The following ST7 variants were observed in gnomAD, a reference collection of about 807,000 sequenced individuals.
ST7 encodes suppression of tumorigenicity 7.
In ST7, 28 loss-of-function variants were observed where a neutral mutation model predicts 78.7. That is an observed-to-expected ratio of 0.36 (90% CI 0.26 to 0.49). ST7 has a LOEUF of 0.49. Among genes scored for constraint, ST7 ranks in the 20% least tolerant of loss-of-function variants. The pLI, the probability that ST7 is intolerant of heterozygous loss-of-function variation, is 0.99. For missense variants in ST7, 418 were observed against 696.0 expected (o/e 0.60, Z 4.49); for synonymous variants, 247 against 249.6 (o/e 0.99, Z 0.10).
Position 117,099,746 on chromosome 7 carries a change from CTCT to C in ST7, c.152-14_152-12del. The C allele has an allele frequency of 6.2e-7, 1 of 1,604,138 alleles. No individual in the cohort carries two copies. The highest frequency in any genetic ancestry group is 8.5e-7 in the Non-Finnish European group (1 of 1,174,178). On this transcript the variant is annotated splice_polypyrimidine_tract_variant and intron_variant, in intron 1 of 15. Coordinates refer to ENST00000323984, the MANE Select transcript of ST7 (RefSeq NM_001369598.1). ...ATTCCTTGTTCTTCTCCCTTTCTCT[CTCT>C]TTTCTTTTTCAGTGAGCATGTTTTT...
chr7:116,974,880 G>A (rs910052629), intron 1 of ST7, among the ~76,000 whole-genome samples: 1 of 152,210 alleles, frequency 6.6e-6, no homozygotes, highest in South Asian at 2.1e-4. Context: ...AGATACAAAT[G>A]CAAGTGTCCT....
intron 1 of ST7, chr7:116,972,338 G>T (rs1793468992): frequency 1.6e-6 from 1 of 607,234 alleles, no homozygotes; most frequent in Non-Finnish European, 3.0e-6. Context: ...TTATCAGTAA[G>T]AATCTTGATC....
At chr7:117,048,591 C>T (rs945253531) in intron 1 of ST7, among the ~76,000 whole-genome samples, 2 of 152,136 alleles carry the variant, frequency 1.3e-5, no homozygotes, top group African/African-American at 4.8e-5. Flanking sequence ...AAACCCTTTA[C>T]CCACCCCACC....
chr7:117,029,197 G>A (rs559026086), intron 1 of ST7, among the ~76,000 whole-genome samples: 6 of 152,218 alleles, frequency 3.9e-5, no homozygotes, highest in African/African-American at 7.2e-5. Flanking sequence ...TGGTTATACC[G>A]TTTTACATTC....
At chr7:117,005,433 C>G (rs188083642) in intron 1 of ST7, among the ~76,000 whole-genome samples, 187 of 152,306 alleles carry the variant, frequency 1.2e-3, no homozygotes, top group Non-Finnish European at 1.2e-3. Flanking sequence ...TGGTAAGCCA[C>G]AAATGTCCCC....
At chr7:117,224,434 T>A (rs180947515) in intron 15 of ST7, among the ~76,000 whole-genome samples, 6 of 152,312 alleles carry the variant, frequency 3.9e-5, no homozygotes, top group African/African-American at 1.2e-4. Context: ...TTTCTTCTAC[T>A]CCCTAGCCAA....
chr7:117,060,163 T>A (rs994318038), intron 1 of ST7, among the ~76,000 whole-genome samples: 20 of 152,166 alleles, frequency 1.3e-4, no homozygotes, highest in Non-Finnish European at 2.5e-4. Flanking sequence ...GATCTTTTGG[T>A]GGGAAAGTCT....
chr7:117,077,375 A>G (rs1799427967), intron 1 of ST7, among the ~76,000 whole-genome samples: 1 of 152,158 alleles, frequency 6.6e-6, no homozygotes, highest in Non-Finnish European at 1.5e-5. Flanking sequence ...TCTGTCTAGA[A>G]TTTATCTGCC....
At chr7:117,182,610 G>A (rs1283610589) in intron 10 of ST7, 2 of 152,094 alleles carry the variant, frequency 1.3e-5, no homozygotes, top group Non-Finnish European at 2.9e-5. Flanking sequence ...TTGGAGGTGG[G>A]GGGTATTGTT....
chr7:117,111,845 G>C (rs1185581183), intron 2 of ST7, among the ~76,000 whole-genome samples: 3 of 151,390 alleles, frequency 2.0e-5, no homozygotes, highest in African/African-American at 7.3e-5. Flanking sequence ...TCTGGATTTT[G>C]CTTCGCTTTT....
At chr7:116,957,291 G>T (rs1418498772) in intron 1 of ST7, among the ~76,000 whole-genome samples, 1 of 151,542 alleles carries the variant, frequency 6.6e-6, no homozygotes. Flanking sequence ...TAATGAAAAT[G>T]AATTTTAAAA....
At chr7:117,006,635 C>T (rs1002471727) in intron 1 of ST7, among the ~76,000 whole-genome samples, 6 of 152,164 alleles carry the variant, frequency 3.9e-5, no homozygotes, top group African/African-American at 1.4e-4. Context: ...TGACCCTAAC[C>T]ATATAGAGGC....
rs752034796 is a variant in ST7 at position 117,136,126 on chromosome 7, C to G, written c.756C>G (p.Thr252=). 6.2e-6 allele frequency: 10 copies of G among 1,613,366 alleles called. No individual in the cohort carries two copies. The highest frequency in any genetic ancestry group is 7.6e-6 in the Non-Finnish European group (9 of 1,179,616). ...TCTTGGCTGAAGAGGAAGCAACAAC[C>G]ATTGCTGAAGCAGAAAAATTATTTA... is the stretch of plus-strand genomic sequence containing the variant. ...YILLAEEEAT[T]IAEAEKLFKQ... is the part of the protein sequence containing the mutation. Residue 252 remains threonine, a synonymous_variant, in exon 8 of 16, where the codon ACC becomes ACG. Coordinates refer to ENST00000323984, the MANE Select transcript of ST7 (RefSeq NM_001369598.1).
intron 1 of ST7, among the ~76,000 whole-genome samples, chr7:116,960,311 T>C (rs544261633): frequency 3.6e-4 from 55 of 152,060 alleles, no homozygotes; most frequent in Non-Finnish European, 6.3e-4. Flanking sequence ...TGCCTCACCC[T>C]CCCAAGTAGC....
At chr7:116,981,413 A>G (rs571977009) in intron 1 of ST7, among the ~76,000 whole-genome samples, 5 of 152,252 alleles carry the variant, frequency 3.3e-5, no homozygotes, top group Admixed American at 6.5e-5. Flanking sequence ...CCTGGCCTCA[A>G]TGGTTCCTCA....
At chr7:117,184,752 T>C (rs939086509) in intron 10 of ST7, among the ~76,000 whole-genome samples, 1 of 152,212 alleles carries the variant, frequency 6.6e-6, no homozygotes, top group Admixed American at 6.5e-5. Context: ...CATGCACACT[T>C]GATTTTATGT....
At chr7:117,182,421 T>C (rs1183914728) in intron 10 of ST7, among the ~76,000 whole-genome samples, 1 of 152,214 alleles carries the variant, frequency 6.6e-6, no homozygotes, top group Non-Finnish European at 1.5e-5. Context: ...ACTAATAAGC[T>C]GGAATGACGT....
chr7:117,017,434 G>A (rs986990347), intron 1 of ST7, among the ~76,000 whole-genome samples: 1 of 152,148 alleles, frequency 6.6e-6, no homozygotes, highest in African/African-American at 2.4e-5. Flanking sequence ...TTTGTCAATA[G>A]CATTCTCATT....
intron 15 of ST7, chr7:117,222,820 A>C (rs375220904): frequency 5.4e-6 from 8 of 1,477,572 alleles, no homozygotes; most frequent in Non-Finnish European, 7.6e-6. Flanking sequence ...ATCAGAAAGG[A>C]TGATTTCTAA....
Sources: allele counts gnomAD v4.1 joint callset (sites outside exome capture counted in the v4.1 genomes callset), GRCh38; gene constraint gnomAD v4.1.1; transcripts MANE v1.5; gene names NCBI Gene and HGNC (gene_info 2026-07-23, HGNC 2026-07-21).